Variants in MYH10 observed in about 807,000 individuals in gnomAD.
MYH10 encodes the protein myosin-10.
A neutral mutation model predicts 257.8 loss-of-function variants in MYH10; 55 were observed. The ratio of observed to expected loss-of-function variants is 0.21; its 90% CI spans 0.17 to 0.27. MYH10 has a LOEUF of 0.27. Ranked by LOEUF, MYH10 falls within the 10% of genes least tolerant of loss-of-function variation. The pLI is 1.00. For missense variants in MYH10, 1,631 were observed against 2,500.6 expected (o/e 0.65, Z 7.42); for synonymous variants, 854 against 921.7 (o/e 0.93, Z 1.33).
At chr17:8,604,246 A>C (rs2084714863) in intron 3 of MYH10, among the ~76,000 whole-genome samples, 1 of 152,184 alleles carries the variant, frequency 6.6e-6, no homozygotes, top group Admixed American at 6.5e-5. Context: ...AATAATATTA[A>C]TTGCATTCAA....
At chr17:8,565,002 A>C (rs528577462) in intron 7 of MYH10, among the ~76,000 whole-genome samples, 1 of 152,342 alleles carries the variant, frequency 6.6e-6, no homozygotes, top group African/African-American at 2.4e-5. Context: ...GACGTGGGCC[A>C]TGAGAAAAAG....
intron 6 of MYH10, among the ~76,000 whole-genome samples, chr17:8,570,146 G>A (rs981269988): frequency 7.9e-5 from 12 of 152,290 alleles, no homozygotes; most frequent in Admixed American, 2.0e-4. Context: ...AATTTAGCAC[G>A]ACACTTCAAT....
In MYH10 at chr17:8,546,674, A is replaced by T. The variant is rs1349083856; in HGVS notation, c.1160-12T>A. 5 of 1,600,096 alleles carry T rather than the reference A, an allele frequency of 3.1e-6. No individual in the cohort carries two copies. In the East Asian group the frequency reaches 1.1e-4, roughly 36 times the overall value. On this transcript the variant is annotated splice_polypyrimidine_tract_variant and intron_variant, in intron 11 of 42. Transcript: ENST00000360416. ...GAGCTTCTGCGCAACTGAAGTGTAA[A>T]AAGTCTCCTAAATCCTACATTTTTT...
intron 14 of MYH10, among the ~76,000 whole-genome samples, chr17:8,540,816 T>C (rs1331802328): frequency 6.6e-6 from 1 of 152,172 alleles, no homozygotes; most frequent in Non-Finnish European, 1.5e-5. Context: ...CCCAAACAAT[T>C]CTTTAGGCAA....
At chr17:8,485,083 T>C (rs1004405003) in intron 36 of MYH10, among the ~76,000 whole-genome samples, 5 of 152,156 alleles carry the variant, frequency 3.3e-5, no homozygotes, top group African/African-American at 9.7e-5. Context: ...CTGAAAGAAT[T>C]AGAACTGCTG....
chr17:8,570,849 C>T (rs1363911238), intron 6 of MYH10, among the ~76,000 whole-genome samples: 1 of 152,154 alleles, frequency 6.6e-6, no homozygotes, highest in Non-Finnish European at 1.5e-5. Context: ...ACAGTTCTGT[C>T]ACGCCGCCCT....
chr17:8,559,554 A>G (rs1421602735), intron 7 of MYH10, among the ~76,000 whole-genome samples: 1 of 152,200 alleles, frequency 6.6e-6, no homozygotes, highest in African/African-American at 2.4e-5. Flanking sequence ...CTAAGATGAC[A>G]AAACAGCAAA....
intron 3 of MYH10, among the ~76,000 whole-genome samples, chr17:8,592,964 T>TATATAA (rs2084225529): frequency 1.7e-5 from 2 of 119,884 alleles, no homozygotes; most frequent in African/African-American, 6.3e-5. Flanking sequence ...TATATATATA[T>TATATAA]ATATATAAAA....
chr17:8,605,341 T>A (rs11870992), intron 2 of MYH10, among the ~76,000 whole-genome samples: 217 of 152,352 alleles, frequency 1.4e-3, no homozygotes, highest in African/African-American at 5.0e-3. Flanking sequence ...AAAAGCTCGT[T>A]AATGCAGTTT....
intron 3 of MYH10, among the ~76,000 whole-genome samples, chr17:8,597,005 G>A (rs112551994): frequency 0.015 from 2,294 of 152,168 alleles, 60 homozygotes; most frequent in African/African-American, 0.052. Flanking sequence ...TGGGAGGTGC[G>A]TCGTCAAGGG....
chr17:8,543,598 G>A (rs1597787257), intron 13 of MYH10, among the ~76,000 whole-genome samples: 2 of 151,426 alleles, frequency 1.3e-5, no homozygotes, highest in Admixed American at 6.6e-5. Context: ...CTCAGCCTTC[G>A]GAGTAGCTGA....
At chr17:8,572,339 C>A (rs1391721307) in intron 6 of MYH10, among the ~76,000 whole-genome samples, 2 of 151,722 alleles carry the variant, frequency 1.3e-5, no homozygotes, top group Admixed American at 1.3e-4. Flanking sequence ...CTGGTTGTAT[C>A]CCCTGTGCCT....
At chr17:8,594,646 T>C (rs1464215092) in intron 3 of MYH10, among the ~76,000 whole-genome samples, 1 of 152,172 alleles carries the variant, frequency 6.6e-6, no homozygotes, top group Admixed American at 6.5e-5. Context: ...TGACCCCCGT[T>C]ATCTGTGGGG....
Position 8,629,151 on chromosome 17 carries a change from T to G in MYH10, c.-32+1503A>C, listed in dbSNP as rs544703183. The stretch of plus-strand genomic sequence containing the variant: ...GAAGGAGATAAAACAATAAATAGAT[T>G]ATAAAGTTTTCCAGAGTGAGATACT... On this transcript the variant is annotated intron_variant, in intron 1 of 42. Transcript: ENST00000360416. Among the ~76,000 whole-genome samples, 22 of 152,164 alleles carry G rather than the reference T, an allele frequency of 1.4e-4. 1 individual carries two copies. The highest frequency in any genetic ancestry group is 6.8e-3 in the Middle Eastern group (2 of 294).
chr17:8,588,056 G>A (rs1001324892), intron 4 of MYH10, among the ~76,000 whole-genome samples: 1 of 151,942 alleles, frequency 6.6e-6, no homozygotes, highest in East Asian at 1.9e-4. Flanking sequence ...CTTGACTGCT[G>A]TGCCACCACA....
In MYH10 at chr17:8,504,096, C is replaced by T. The variant is rs2080995501; in HGVS notation, c.3599+598G>A. On this transcript the variant is annotated intron_variant, in intron 28 of 42. Transcript: ENST00000360416. The surrounding 1 kb of genome is among the most constrained non-coding windows in gnomAD (Gnocchi z 5.6). ...TGGGCTGCCACACTGCAGCTTTCTA[C>T]CCAGGAGCCTTCTCTGGCCATGTTC... 6.6e-6 allele frequency among the ~76,000 whole-genome samples: 1 copy of T among 152,248 alleles called. No individual in the cohort carries two copies. Among genetic ancestry groups the T allele is most frequent in the Non-Finnish European group, 1.5e-5 (1 of 68,032 alleles).
chr17:8,585,282 G>GTATATATATATA (rs1312166648), intron 4 of MYH10, among the ~76,000 whole-genome samples: 3 of 6,758 alleles, frequency 4.4e-4, no homozygotes, highest in Non-Finnish European at 2.3e-3. Flanking sequence ...GTGCATGTGT[G>GTATATATATATA]TGTGTGTATA....
chr17:8,479,021 C>G (rs866923994), intron 40 of MYH10, among the ~76,000 whole-genome samples: 5 of 152,172 alleles, frequency 3.3e-5, no homozygotes, highest in African/African-American at 4.8e-5. Flanking sequence ...CGTGAGCCAG[C>G]GCACCCGGCC....
intron 36 of MYH10, among the ~76,000 whole-genome samples, chr17:8,487,164 TG>T (rs1914956107): frequency 6.6e-6 from 1 of 152,022 alleles, no homozygotes; most frequent in African/African-American, 2.4e-5. Context: ...CCTCTCGAGG[TG>T]AGGAAGGGTG....
Sources: gnomAD v4.1 joint callset for allele counts (sites outside exome capture counted in the v4.1 genomes callset) on GRCh38, gnomAD v4.1.1 for gene constraint, Gnocchi (gnomAD v3.1) non-coding constraint, MANE v1.5 for transcripts, NCBI Gene and HGNC (gene_info 2026-07-23, HGNC 2026-07-21) for gene names.